CYP24A1: variants seen among roughly 807,000 people sequenced by gnomAD.
The protein encoded by CYP24A1 is 1,25-dihydroxyvitamin D(3) 24-hydroxylase, mitochondrial.
Under a neutral mutation model 62.4 loss-of-function variants are expected in CYP24A1, and 68 were observed. The observed-to-expected ratio is 1.09, with a 90% confidence interval of 0.90 to 1.33. The LOEUF (loss-of-function observed/expected upper bound fraction) is 1.33, where lower values mean the gene tolerates loss of function less well. Ranked by LOEUF, CYP24A1 falls within the 40% of genes most tolerant of loss-of-function variation. CYP24A1 has a pLI of 0.00. For synonymous variants in CYP24A1, 267 were observed against 253.0 expected (o/e 1.06, Z -0.52); for missense variants, 787 against 653.0 (o/e 1.21, Z -2.24).
intron 3 of CYP24A1, among the ~76,000 whole-genome samples, chr20:54,170,076 G>C (rs1450988750): frequency 6.6e-6 from 1 of 152,146 alleles, no homozygotes; most frequent in East Asian, 1.9e-4. Context: ...CAGCTATCCT[G>C]AGGTGTGCCC....
chr20:54,173,196 G>A lies in CYP24A1; in HGVS notation c.259-97C>T. On this transcript the variant is annotated intron_variant, in intron 1 of 11. Coordinates refer to ENST00000216862, the MANE Select transcript of CYP24A1 (RefSeq NM_000782.5). The surrounding 1 kb of genome is among the most constrained non-coding windows in gnomAD (Gnocchi z 7.2). ...CGCCTCCTTCCTCCTAGGGGACCGG[G>A]GACCCTCCCTGCCCAGACGCCGAAG... 6.5e-7 allele frequency: 1 copy of A among 1,537,708 alleles called. No individual in the cohort carries two copies. Among genetic ancestry groups the A allele is most frequent in the Non-Finnish European group, 8.9e-7 (1 of 1,121,698 alleles).
At chr20:54,161,517 C>T (rs2092650186) in intron 7 of CYP24A1, among the ~76,000 whole-genome samples, 2 of 152,172 alleles carry the variant, frequency 1.3e-5, no homozygotes, top group South Asian at 4.2e-4. Flanking sequence ...GGAACAGTCC[C>T]AGGCATACAG....
chr20:54,164,594 G>A, intron 5 of CYP24A1, 31 bp from the exon 6 acceptor site: 1 of 1,613,948 alleles, frequency 6.2e-7, no homozygotes, highest in Non-Finnish European at 8.5e-7. Context: ...TTTTTATTCT[G>A]AATTCTCCTT....
intron 2 of CYP24A1, 156 bp from the exon 3 acceptor site, chr20:54,171,826 G>A: frequency 6.7e-7 from 1 of 1,489,096 alleles, no homozygotes; most frequent in South Asian, 1.2e-5. Flanking sequence ...GAATATTTGG[G>A]ATAAAATAGT....
Position 54,157,417 on chromosome 20 carries a change from C to G in CYP24A1, c.1405G>C (p.Glu469Gln). 3 of 1,603,168 alleles carry G rather than the reference C, an allele frequency of 1.9e-6. No homozygotes were observed. In the South Asian group the frequency reaches 3.3e-5, roughly 18 times the overall value. Residue 469 changes from glutamate (E) to glutamine (Q), a missense_variant, in exon 10 of 12, where the codon GAG (glutamate) becomes CAG (glutamine). By Grantham distance (29) the Glu-to-Gln change is conservative. Transcript: ENST00000216862. ...KRMCIGRRLA[E>Q]LQLHLALCWI... The stretch of plus-strand genomic sequence containing the variant: ...CAAAGAGCCAAATGCAGTTGAAGCT[C>G]TGCTAATCGGCGACCAATGCACATT...
chr20:54,161,876 A>G (rs2092651717), intron 7 of CYP24A1, among the ~76,000 whole-genome samples: 1 of 152,180 alleles, frequency 6.6e-6, no homozygotes, highest in Non-Finnish European at 1.5e-5. Context: ...ACAGAAGGGG[A>G]AGCACATGGA....
Position 54,157,165 on chromosome 20 carries a change from T to C in CYP24A1, c.*10+4A>G, listed in dbSNP as rs751227655. On this transcript the variant is annotated splice_donor_region_variant and intron_variant, in intron 11 of 11. Transcript: ENST00000216862. ...AGAGGATAATGAACCGCCTAGATGC[T>C]CACCTGAGGCGTATTATCGCTGGCA... 7.2e-7 allele frequency: 1 copy of C among 1,397,782 alleles called. No individual in the cohort carries two copies. Among genetic ancestry groups the C allele is most frequent in the East Asian group, 2.3e-5 (1 of 43,844 alleles). The allele number at this position is 1,397,782 out of a possible 1,614,324, so 86.6% of individuals were successfully genotyped here.
intron 11 of CYP24A1, among the ~76,000 whole-genome samples, chr20:54,155,860 A>C (rs1370130687): frequency 6.6e-6 from 1 of 152,064 alleles, no homozygotes; most frequent in Admixed American, 6.6e-5. Flanking sequence ...TCTTAATTTC[A>C]TTAAGGAAAT....
the CYP24A1 span, among the ~76,000 whole-genome samples, chr20:54,148,138 C>T: frequency 0.091 from 13,856 of 151,990 alleles, 921 homozygotes; most frequent in East Asian, 0.28. Context: ...GCCCGGCCTG[C>T]ACCCAGTTCT....
At chr20:54,172,716 G>A in intron 2 of CYP24A1, 193 bp downstream of exon 2, 7 of 1,341,968 alleles carry the variant, frequency 5.2e-6, no homozygotes, top group Non-Finnish European at 6.9e-6. Flanking sequence ...GCACAGCACG[G>A]CTTTTCCGTG....
rs567646287 is a variant in CYP24A1 at position 54,169,716 on chromosome 20, C to A, written c.544-28G>T. 53 of 1,613,576 alleles carry A rather than the reference C, an allele frequency of 3.3e-5. No individual in the cohort carries two copies. In the South Asian group the frequency reaches 4.8e-4, roughly 15 times the overall value. On this transcript the variant is annotated intron_variant, in intron 3 of 11. Coordinates refer to ENST00000216862, the MANE Select transcript of CYP24A1 (RefSeq NM_000782.5). Reference sequence around the variant, plus strand: ...TCAAAGAAAACAACCGCAAAAGACACATTTTAAAGCCGTTGAAGGAAAACA... The same window carrying A: ...TCAAAGAAAACAACCGCAAAAGACAAATTTTAAAGCCGTTGAAGGAAAACA...
intron 4 of CYP24A1, among the ~76,000 whole-genome samples, chr20:54,166,875 A>T (rs994081438): frequency 5.3e-5 from 8 of 152,122 alleles, no homozygotes; most frequent in Non-Finnish European, 8.8e-5. Flanking sequence ...CTACAAAAAA[A>T]TAAAAATAAA....
Position 54,162,751 on chromosome 20 carries a change from G to T in CYP24A1, c.956C>A (p.Ala319Asp). The change falls in exon 7 of 12, where the codon GCT (alanine) becomes GAT (aspartate). Residue 319 changes from alanine to aspartate, a missense_variant. Coordinates refer to ENST00000216862, the MANE Select transcript of CYP24A1 (RefSeq NM_000782.5). ...CGCAGCCAGCTGGAGCTCTGTGACA[G>T]CAGCATACAATTCTTTCTTTGAAAG... ...NRLSKKELYA[A>D]VTELQLAAVE... 1 of 1,598,370 alleles carries T rather than the reference G, an allele frequency of 6.3e-7. No homozygotes were observed. The highest frequency in any genetic ancestry group is 2.2e-5 in the East Asian group (1 of 44,790).
intron 7 of CYP24A1, among the ~76,000 whole-genome samples, chr20:54,162,081 C>T (rs1375119058): frequency 6.6e-6 from 1 of 152,118 alleles, no homozygotes; most frequent in Non-Finnish European, 1.5e-5. Flanking sequence ...TAGGGAGTAT[C>T]GGCCACATCA....
chr20:54,169,976 T>G (rs2092688571), intron 3 of CYP24A1, among the ~76,000 whole-genome samples: 1 of 151,924 alleles, frequency 6.6e-6, no homozygotes, highest in Non-Finnish European at 1.5e-5. Context: ...GGAAAACATT[T>G]TTTTTTTCTA....
At chr20:54,149,245 T>C (rs1179575651), downstream of CYP24A1, among the ~76,000 whole-genome samples, 2 of 152,222 alleles carry the variant, frequency 1.3e-5, no homozygotes, top group Admixed American at 6.5e-5. Flanking sequence ...CAAGGTCTTC[T>C]AGATTACCAG....
At chr20:54,144,772 C>A in the CYP24A1 span, among the ~76,000 whole-genome samples, 1 of 151,244 alleles carries the variant, frequency 6.6e-6, no homozygotes, top group African/African-American at 2.4e-5. Context: ...TACTGGTATA[C>A]TTTTATAGGT....
At chr20:54,149,707 G>A (rs541487671), downstream of CYP24A1, among the ~76,000 whole-genome samples, 64 of 152,266 alleles carry the variant, frequency 4.2e-4, no homozygotes, top group African/African-American at 1.5e-3. Flanking sequence ...ACTTAACCCA[G>A]GCACATCCAA....
intron 7 of CYP24A1, among the ~76,000 whole-genome samples, chr20:54,160,611 TAA>T (rs1179765046): frequency 6.6e-6 from 1 of 152,246 alleles, no homozygotes; most frequent in African/African-American, 2.4e-5. Flanking sequence ...GCCATTATTA[TAA>T]GAGTCTAATT....
Sources: allele counts gnomAD v4.1 joint callset (sites outside exome capture counted in the v4.1 genomes callset), GRCh38; gene constraint gnomAD v4.1.1; non-coding constraint Gnocchi (gnomAD v3.1); transcripts MANE v1.5; gene names NCBI Gene and HGNC (gene_info 2026-07-23, HGNC 2026-07-21).